Variants in WDR72 observed in about 807,000 individuals in gnomAD.
WDR72 encodes WD repeat-containing protein 72.
A neutral mutation model predicts 124.2 loss-of-function variants in WDR72; 120 were observed. The observed-to-expected ratio is 0.97, with a 90% confidence interval of 0.83 to 1.12. The LOEUF is 1.12. Ranked by LOEUF, WDR72 falls within the 50% of genes most tolerant of loss-of-function variation. The probability of loss-of-function intolerance (pLI) is 0.00; values close to 1 mark genes in which losing one functional copy is unlikely to be tolerated. For missense variants in WDR72, 1,387 were observed against 1,278.8 expected, an observed-to-expected ratio of 1.08 and a Z score of -1.29; for synonymous variants, 452 against 441.7, an observed-to-expected ratio of 1.02 and a Z score of -0.29.
chr15:53,744,170 C>A (rs1308200194), intron 1 of WDR72, among the ~76,000 whole-genome samples: 10 of 152,128 alleles, frequency 6.6e-5, no homozygotes, highest in Non-Finnish European at 1.5e-4. Context: ...CTCCCATCAG[C>A]ATGCCATCGT....
intron 18 of WDR72, among the ~76,000 whole-genome samples, chr15:53,540,205 G>A (rs1893004653): frequency 6.6e-6 from 1 of 152,084 alleles, no homozygotes; most frequent in Non-Finnish European, 1.5e-5. Flanking sequence ...ACACATAATG[G>A]GGACGAAATA....
chr15:53,760,777 G>C (rs1774144202), upstream of WDR72, among the ~76,000 whole-genome samples: 1 of 152,092 alleles, frequency 6.6e-6, no homozygotes, highest in South Asian at 2.1e-4. Context: ...CGTAGTGGTG[G>C]TACTAAAGAG....
intron 15 of WDR72, among the ~76,000 whole-genome samples, chr15:53,614,302 T>G (rs2013670071): frequency 6.6e-6 from 1 of 152,100 alleles, no homozygotes; most frequent in Admixed American, 6.6e-5. Flanking sequence ...TTTCTCAACC[T>G]TCACAACCAC....
chr15:53,724,329 T>G lies in WDR72; in HGVS notation c.154-1421A>C, dbSNP rs560307712. ...ACACACAAAAAATGATTATGTGAGG[T>G]GATAGATGTGTTAACTAATTTGATT... On this transcript the variant is annotated intron_variant, in intron 2 of 19. Transcript: ENST00000360509. Among the ~76,000 whole-genome samples the G allele has an allele frequency of 4.6e-5, 7 of 151,716 alleles. No homozygotes were observed. The South Asian group carries it at 1.5e-3, about 31-fold the overall frequency.
At chr15:53,576,390 AGTAAG>A (rs1204080513) in intron 18 of WDR72, among the ~76,000 whole-genome samples, 2 of 152,226 alleles carry the variant, frequency 1.3e-5, no homozygotes, top group East Asian at 3.9e-4. Flanking sequence ...AGAAAAGAGA[AGTAAG>A]GTATAGAGCC....
chr15:53,693,452 T>C (rs542698858), intron 13 of WDR72, among the ~76,000 whole-genome samples: 13 of 152,310 alleles, frequency 8.5e-5, no homozygotes, highest in South Asian at 2.1e-4. Flanking sequence ...CTCAAATCTA[T>C]ACGACAAGAT....
In WDR72 at chr15:53,564,459, T is replaced by C. The variant is rs566042617; in HGVS notation, c.3148+32620A>G. On this transcript the variant is annotated intron_variant, in intron 18 of 19. Coordinates refer to ENST00000360509, the MANE Select transcript of WDR72 (RefSeq NM_182758.4). ...ATTACCTGGTAAACATGCCATGTAT[T>C]ATTATTATTTTTATTTCCTTTCCTA... is the stretch of plus-strand genomic sequence containing the variant. Among the ~76,000 whole-genome samples, 681 of 151,960 alleles carry C rather than the reference T, an allele frequency of 4.5e-3. 5 individuals carry two copies. Among genetic ancestry groups the C allele is most frequent in the Non-Finnish European group, 8.0e-3 (546 of 67,870 alleles).
intron 18 of WDR72, among the ~76,000 whole-genome samples, chr15:53,556,985 C>T (rs1471954808): frequency 2.0e-5 from 3 of 152,050 alleles, no homozygotes; most frequent in Non-Finnish European, 2.9e-5. Context: ...AAAGGAGTTT[C>T]ACTCTGAACA....
chr15:53,742,172 A>C (rs184226779), intron 1 of WDR72, among the ~76,000 whole-genome samples: 41 of 152,316 alleles, frequency 2.7e-4, no homozygotes, highest in Admixed American at 6.5e-4. Flanking sequence ...TCCCCAGCAA[A>C]ATTTAAAAAG....
chr15:53,605,536 C>T (rs2013243173), intron 17 of WDR72, among the ~76,000 whole-genome samples: 1 of 152,170 alleles, frequency 6.6e-6, no homozygotes, highest in African/African-American at 2.4e-5. Flanking sequence ...ATTCAACTAA[C>T]TGCTTAAATG....
At chr15:53,577,775 T>G (rs2011691628) in intron 18 of WDR72, among the ~76,000 whole-genome samples, 2 of 152,246 alleles carry the variant, frequency 1.3e-5, no homozygotes. Context: ...ATCCTTCCCC[T>G]TTATTTGTTT....
chr15:53,515,668 AT>A lies in WDR72; in HGVS notation c.*2030del, dbSNP rs1891420713. 6.6e-6 allele frequency: 1 copy of A among 152,190 alleles called. No homozygotes were observed. 9.4% of individuals were successfully genotyped at this position (152,190 alleles called of 1,614,324 possible). ...ACATGCGATGCCGAAAAATCCTAAC[AT>A]TTCCACTTAGTAATGTCAGGGTTGT... On this transcript the variant is annotated 3_prime_UTR_variant, in exon 20 of 20. Coordinates refer to ENST00000360509, the MANE Select transcript of WDR72 (RefSeq NM_182758.4).
intron 18 of WDR72, among the ~76,000 whole-genome samples, chr15:53,596,197 T>C (rs1376663576): frequency 1.3e-5 from 2 of 152,188 alleles, no homozygotes; most frequent in Non-Finnish European, 2.9e-5. Context: ...CTGTAATATG[T>C]AAATTTATAA....
chr15:53,569,253 C>T (rs1368981467), intron 18 of WDR72, among the ~76,000 whole-genome samples: 1 of 152,010 alleles, frequency 6.6e-6, no homozygotes, highest in Admixed American at 6.6e-5. Flanking sequence ...ACACTCCCAG[C>T]TTCCAAGACC....
intron 18 of WDR72, among the ~76,000 whole-genome samples, chr15:53,554,022 T>C (rs1460747599): frequency 1.3e-5 from 2 of 152,176 alleles, no homozygotes; most frequent in Admixed American, 6.5e-5. Flanking sequence ...TCCTATAATA[T>C]GTCTAATTTT....
intron 18 of WDR72, among the ~76,000 whole-genome samples, chr15:53,550,645 A>G (rs909501889): frequency 2.6e-5 from 4 of 152,336 alleles, no homozygotes; most frequent in African/African-American, 9.6e-5. Flanking sequence ...TTCCTCCACA[A>G]GGAATGATTA....
intron 4 of WDR72, 38 bp downstream of exon 4, chr15:53,716,569 G>C (rs1369702746): frequency 7.3e-7 from 1 of 1,373,824 alleles, no homozygotes; most frequent in Non-Finnish European, 1.0e-6. Flanking sequence ...ACAAGTTGCA[G>C]AATCTAGAAA....
intron 14 of WDR72, 149 bp downstream of exon 14, chr15:53,665,423 C>T (rs988520342): frequency 2.3e-6 from 2 of 861,994 alleles, no homozygotes; most frequent in Non-Finnish European, 3.7e-6. Context: ...AAAAGTTATA[C>T]TGATTCACCC....
intron 9 of WDR72, among the ~76,000 whole-genome samples, chr15:53,706,369 T>TACATATATATATATATATATATAC (rs59759547): frequency 9.8e-5 from 5 of 51,020 alleles, no homozygotes; most frequent in African/African-American, 3.7e-4. Flanking sequence ...TATATATATA[T>TACATATATATATATATATATATAC]ATATATATAT....
Sources: gnomAD v4.1 joint callset for allele counts (sites outside exome capture counted in the v4.1 genomes callset) on GRCh38, gnomAD v4.1.1 for gene constraint, MANE v1.5 for transcripts, NCBI Gene and HGNC (gene_info 2026-07-23, HGNC 2026-07-21) for gene names.